The following CNTNAP4 variants were observed in gnomAD, a reference collection of about 807,000 sequenced individuals.
The protein encoded by CNTNAP4 is contactin-associated protein-like 4.
CNTNAP4 carries 98 observed loss-of-function variants against 148.4 expected under a neutral mutation model. The observed-to-expected ratio is 0.66, with a 90% CI of 0.56 to 0.78. The LOEUF is 0.78. CNTNAP4 is among the 30% of genes least tolerant of loss of function. The pLI is 0.00. For missense variants in CNTNAP4, 1,935 were observed against 1,565.6 expected, an observed-to-expected ratio of 1.24 and a Z score of -3.98; for synonymous variants, 730 against 565.1, an observed-to-expected ratio of 1.29 and a Z score of -4.14.
intron 1 of CNTNAP4, among the ~76,000 whole-genome samples, chr16:76,286,429 T>C (rs1192488133): frequency 2.6e-5 from 4 of 152,098 alleles, no homozygotes; most frequent in African/African-American, 4.8e-5. Context: ...TTGGCTCTAG[T>C]TTAAATTCAC....
At chr16:76,415,249 C>T (rs944518891) in intron 3 of CNTNAP4, among the ~76,000 whole-genome samples, 2 of 151,324 alleles carry the variant, frequency 1.3e-5, no homozygotes, top group East Asian at 1.9e-4. Context: ...TATACATCTT[C>T]TTACTACTTC....
At position 76,560,150 on chromosome 16, in the gene CNTNAP4, C is replaced by T. The variant is rs1408439671; in HGVS notation, c.*1467C>T. Among the ~76,000 whole-genome samples, 1 of 152,160 alleles carries T rather than the reference C, an allele frequency of 6.6e-6. No homozygotes were observed. Among genetic ancestry groups the T allele is most frequent in the East Asian group, 1.9e-4 (1 of 5,196 alleles). ...GCAAGCCAATCATACAATAAAGGCA[C>T]TCTATTATACATACTCACACCTTCA... On this transcript the variant is annotated 3_prime_UTR_variant, in exon 24 of 24. Coordinates refer to ENST00000611870, the MANE Select transcript of CNTNAP4 (RefSeq NM_033401.5).
intron 2 of CNTNAP4, among the ~76,000 whole-genome samples, chr16:76,354,700 C>G (rs1256095691): frequency 6.6e-6 from 1 of 152,170 alleles, no homozygotes; most frequent in East Asian, 1.9e-4. Flanking sequence ...AGCTCCAACC[C>G]ACCACTGGAT....
chr16:76,277,442 A>C lies in CNTNAP4; in HGVS notation c.-221A>C. The stretch of plus-strand genomic sequence containing the variant: ...TCAGGGAGGTGTGTGTGAGAGAGAG[A>C]GAGAAAAGAGAGAGACAGAGACGGG... On this transcript the variant is annotated 5_prime_UTR_variant, in exon 1 of 24. Coordinates refer to ENST00000611870, the MANE Select transcript of CNTNAP4 (RefSeq NM_033401.5). The C allele has an allele frequency of 1.9e-6, 1 of 529,682 alleles. No homozygotes were observed. Among genetic ancestry groups the C allele is most frequent in the Non-Finnish European group, 3.4e-6 (1 of 297,224 alleles). 32.8% of individuals were successfully genotyped at this position (529,682 alleles called of 1,614,324 possible).
At chr16:76,499,101 T>C (rs1482955853) in intron 15 of CNTNAP4, among the ~76,000 whole-genome samples, 1 of 149,398 alleles carries the variant, frequency 6.7e-6, no homozygotes, top group Admixed American at 6.7e-5. Flanking sequence ...AGAGTCTCGC[T>C]CTGTTGCTCA....
chr16:76,446,200 C>T (rs2080237092), intron 4 of CNTNAP4, among the ~76,000 whole-genome samples: 1 of 152,120 alleles, frequency 6.6e-6, no homozygotes, highest in South Asian at 2.1e-4. Flanking sequence ...TAATCTGAAT[C>T]AAATGCATAT....
At chr16:76,281,499 T>C (rs1333868822) in intron 1 of CNTNAP4, among the ~76,000 whole-genome samples, 1 of 152,036 alleles carries the variant, frequency 6.6e-6, no homozygotes, top group African/African-American at 2.4e-5. Context: ...AACATGGGGA[T>C]CAAACATAAC....
intron 1 of CNTNAP4, among the ~76,000 whole-genome samples, chr16:76,285,171 C>T (rs73619258): frequency 0.04 from 6,104 of 151,768 alleles, 438 homozygotes; most frequent in African/African-American, 0.14. Flanking sequence ...TTTTTTTCCC[C>T]TCCTTCCAGT....
intron 19 of CNTNAP4, 110 bp from the exon 20 acceptor site, chr16:76,539,608 AT>A: frequency 2.2e-6 from 2 of 915,982 alleles, no homozygotes; most frequent in Non-Finnish European, 3.3e-6. Flanking sequence ...GTATCTTCCA[AT>A]TTTTCCCTCG....
At chr16:76,479,066 CAAGAT>C (rs2081703815) in intron 11 of CNTNAP4, among the ~76,000 whole-genome samples, 1 of 152,032 alleles carries the variant, frequency 6.6e-6, no homozygotes, top group African/African-American at 2.4e-5. Flanking sequence ...ATGTGTGCCA[CAAGAT>C]AAGTTATGAC....
chr16:76,447,443 A>T (rs546960241), intron 4 of CNTNAP4, among the ~76,000 whole-genome samples: 1 of 152,150 alleles, frequency 6.6e-6, no homozygotes, highest in African/African-American at 2.4e-5. Flanking sequence ...AAAGACTAAA[A>T]TGAAATCAAC....
chr16:76,515,927 G>T (rs369549253), intron 15 of CNTNAP4, among the ~76,000 whole-genome samples: 64 of 151,838 alleles, frequency 4.2e-4, no homozygotes, highest in African/African-American at 1.5e-3. Flanking sequence ...GTTTCTTTTT[G>T]TTAATTTTCT....
intron 3 of CNTNAP4, among the ~76,000 whole-genome samples, chr16:76,361,492 CT>C (rs201532473): frequency 6.6e-6 from 1 of 151,318 alleles, no homozygotes; most frequent in East Asian, 1.9e-4. Context: ...AATGTGCTTT[CT>C]TTTTTTTTAA....
At chr16:76,536,987 G>C (rs2084240009) in intron 18 of CNTNAP4, among the ~76,000 whole-genome samples, 1 of 152,138 alleles carries the variant, frequency 6.6e-6, no homozygotes, top group Non-Finnish European at 1.5e-5. Flanking sequence ...TTAATAAAAA[G>C]ATGGCCAAAT....
chr16:76,390,264 G>A (rs1484536082), intron 3 of CNTNAP4, among the ~76,000 whole-genome samples: 1 of 152,144 alleles, frequency 6.6e-6, no homozygotes, highest in East Asian at 1.9e-4. Flanking sequence ...TGAAGAGTGG[G>A]CATCTCTTAC....
intron 2 of CNTNAP4, among the ~76,000 whole-genome samples, chr16:76,351,617 C>T (rs756875545): frequency 3.9e-5 from 6 of 152,188 alleles, no homozygotes; most frequent in Non-Finnish European, 5.9e-5. Flanking sequence ...TCTGAATTTC[C>T]ATTACTTTAT....
chr16:76,351,511 A>C (rs1172557189), intron 2 of CNTNAP4, among the ~76,000 whole-genome samples: 1 of 152,218 alleles, frequency 6.6e-6, no homozygotes, highest in Non-Finnish European at 1.5e-5. Context: ...TACCATGTGC[A>C]TCTGCAGAGC....
Position 76,550,415 on chromosome 16 carries a change from A to G in CNTNAP4, c.3443-2868A>G, listed in dbSNP as rs529829600. 2.0e-4 allele frequency among the ~76,000 whole-genome samples: 30 copies of G among 152,322 alleles called. No individual in the cohort carries two copies. The South Asian group carries it at 6.2e-3, about 32-fold the overall frequency. On this transcript the variant is annotated intron_variant, in intron 21 of 23. Transcript: ENST00000611870. ...TTTAGCGGTCATTGGTTTTTGTACA[A>G]TAATTTTGAAATAGGTGAAATGTTT...
chr16:76,329,039 A>G (rs1207179509), intron 2 of CNTNAP4, among the ~76,000 whole-genome samples: 1 of 152,260 alleles, frequency 6.6e-6, no homozygotes, highest in Non-Finnish European at 1.5e-5. Context: ...ATTTTAAAAT[A>G]AAAAGTTTGT....
Sources: allele counts gnomAD v4.1 joint callset (sites outside exome capture counted in the v4.1 genomes callset), GRCh38; gene constraint gnomAD v4.1.1; transcripts MANE v1.5; gene names NCBI Gene and HGNC (gene_info 2026-07-23, HGNC 2026-07-21).